The following EPB41L3 variants were observed in gnomAD, a reference collection of about 807,000 sequenced individuals.
The protein encoded by EPB41L3 is band 4.1-like protein 3.
In EPB41L3, 57 loss-of-function variants were observed where a neutral mutation model predicts 127.1. The ratio of observed to expected loss-of-function variants is 0.45; its 90% CI spans 0.36 to 0.56. The LOEUF is 0.56. Among genes scored for constraint, EPB41L3 ranks in the 20% least tolerant of loss-of-function variants. The pLI, the probability that EPB41L3 is intolerant of heterozygous loss-of-function variation, is 0.00. For missense variants in EPB41L3, 1,273 were observed against 1,372.2 expected (o/e 0.93, Z 1.14); for synonymous variants, 572 against 549.5 (o/e 1.04, Z -0.57).
In EPB41L3 at chr18:5,513,045, C is replaced by T. The variant is rs529102221; in HGVS notation, c.-11-23851G>A. ...TTGGGCATCTGGTGGATGGTATGTT[C>T]GATCCCTGTGGTTAGGGAATGCAGC... On this transcript the variant is annotated intron_variant, in intron 1 of 22. Coordinates refer to ENST00000341928, the MANE Select transcript of EPB41L3 (RefSeq NM_012307.5). Among the ~76,000 whole-genome samples the T allele has an allele frequency of 3.9e-5, 6 of 152,252 alleles. No individual in the cohort carries two copies. In the East Asian group the frequency reaches 7.7e-4, roughly 20 times the overall value.
At chr18:5,417,839 C>A (rs1338160849) in intron 12 of EPB41L3, among the ~76,000 whole-genome samples, 1 of 152,086 alleles carries the variant, frequency 6.6e-6, no homozygotes, top group Non-Finnish European at 1.5e-5. Flanking sequence ...TCTCATTCAA[C>A]TAAGAATAAT....
At chr18:5,427,121 G>A (rs1255457790) in intron 9 of EPB41L3, among the ~76,000 whole-genome samples, 1 of 151,850 alleles carries the variant, frequency 6.6e-6, no homozygotes, top group Non-Finnish European at 1.5e-5. Context: ...TCCCACCCTT[G>A]GCCTCCCAAA....
chr18:5,429,992 T>C (rs1435341506), intron 8 of EPB41L3, among the ~76,000 whole-genome samples: 6 of 152,208 alleles, frequency 3.9e-5, no homozygotes, highest in Non-Finnish European at 8.8e-5. Flanking sequence ...ACTCATTTTC[T>C]TTTTGGTAAC....
rs181606773 is a variant in EPB41L3, at chr18:5,543,151, G to C, written c.-12+762C>G. Among the ~76,000 whole-genome samples, 963 of 151,320 alleles carry C rather than the reference G, an allele frequency of 6.4e-3. 4 individuals are homozygous for C. Among genetic ancestry groups the C allele is most frequent in the South Asian group, 0.013 (63 of 4,826 alleles). The stretch of plus-strand genomic sequence containing the variant: ...GCTCCCGCGCCCGGGTGCCAGAGGC[G>C]AGGGGCCCCGGCAGGTGCCCAGGCC... On this transcript the variant is annotated intron_variant, in intron 1 of 22. Coordinates refer to ENST00000341928, the MANE Select transcript of EPB41L3 (RefSeq NM_012307.5). The surrounding 1 kb of genome is among the most constrained non-coding windows in gnomAD (Gnocchi z 5.2).
At chr18:5,433,369 C>A in intron 8 of EPB41L3, 100 bp downstream of exon 8, 1 of 799,322 alleles carries the variant, frequency 1.3e-6, no homozygotes, top group South Asian at 1.8e-5. Flanking sequence ...TCAGAGGTTT[C>A]ATTTACATTA....
intron 3 of EPB41L3, among the ~76,000 whole-genome samples, chr18:5,474,155 T>C (rs371424515): frequency 2.0e-5 from 3 of 150,728 alleles, no homozygotes; most frequent in African/African-American, 7.3e-5. Context: ...GGCGTGAACA[T>C]GGGAGGCGGA....
chr18:5,471,946 G>A (rs1599415096), intron 3 of EPB41L3, among the ~76,000 whole-genome samples: 2 of 152,128 alleles, frequency 1.3e-5, no homozygotes, highest in Middle Eastern at 3.4e-3. Context: ...ATCGACCATC[G>A]AACGCACGTA....
chr18:5,427,856 C>T (rs1034336934), intron 9 of EPB41L3, among the ~76,000 whole-genome samples: 1 of 152,138 alleles, frequency 6.6e-6, no homozygotes, highest in African/African-American at 2.4e-5. Context: ...CGCCATTCTC[C>T]TGCCTCAGCC....
At position 5,397,152 on chromosome 18, in the gene EPB41L3, T is replaced by C. The variant is rs2073672823; in HGVS notation, c.2747A>G (p.Gln916Arg). The C allele has an allele frequency of 1.2e-6, 2 of 1,614,124 alleles. No individual in the cohort carries two copies. Among genetic ancestry groups the C allele is most frequent in the African/African-American group, 2.7e-5 (2 of 74,946 alleles). The change falls in exon 18 of 23, where the codon CAG becomes CGG. Residue 916 changes from glutamine (Q) to arginine (R), a missense_variant. By Grantham distance (43) the Gln-to-Arg change is conservative (BLOSUM62 1). Transcript: ENST00000341928. The surrounding 1 kb of genome is among the most constrained non-coding windows in gnomAD (Gnocchi z 4.1). ...ACGGGAAGCAGCGGCTGTCTCTTCC[T>C]GTTCCAGGACAGCTTTAGCGACCTC... ...GEEVAKAVLE[Q>R]EETAAASRER...
intron 1 of EPB41L3, among the ~76,000 whole-genome samples, chr18:5,626,284 C>T (rs2094922635): frequency 6.6e-6 from 1 of 152,156 alleles, no homozygotes; most frequent in African/African-American, 2.4e-5. Context: ...CAAATAAAAA[C>T]CTCACATACT....
At chr18:5,483,049 A>G (rs1195136126) in intron 2 of EPB41L3, among the ~76,000 whole-genome samples, 2 of 152,174 alleles carry the variant, frequency 1.3e-5, no homozygotes, top group African/African-American at 2.4e-5. Context: ...TATGAAGCCC[A>G]AAAGACAACC....
chr18:5,435,242 A>T (rs2079591012), intron 6 of EPB41L3, among the ~76,000 whole-genome samples: 4 of 152,222 alleles, frequency 2.6e-5, no homozygotes, highest in African/African-American at 9.6e-5. Context: ...TATTGAAGAA[A>T]GAAATTTTTA....
chr18:5,422,834 C>T (rs572664029), intron 11 of EPB41L3, among the ~76,000 whole-genome samples: 1 of 152,312 alleles, frequency 6.6e-6, no homozygotes, highest in East Asian at 1.9e-4. Flanking sequence ...TCTCCCAGTC[C>T]ATCTGGGGTA....
intron 1 of EPB41L3, among the ~76,000 whole-genome samples, chr18:5,498,827 C>A (rs1175906110): frequency 6.6e-6 from 1 of 152,030 alleles, no homozygotes; most frequent in Admixed American, 6.5e-5. Flanking sequence ...TCTCCATTTT[C>A]TGTTAACCGT....
chr18:5,601,582 C>T (rs149207038), intron 3 of EPB41L3, among the ~76,000 whole-genome samples: 18 of 152,196 alleles, frequency 1.2e-4, no homozygotes, highest in East Asian at 7.7e-4. Flanking sequence ...AGCTGAATTA[C>T]GCAGCAGAGT....
Position 5,406,919 on chromosome 18 carries a change from C to T in EPB41L3, c.2207G>A (p.Ser736Asn), listed in dbSNP as rs576670651. ...DDLMKHQTNI[S>N]ELKRTFLETS... ...TTCTAAGAAGGTTCTTTTCAGCTCG[C>T]TAATGTTGGTTTGATGTTTCATCAG... The change falls in exon 16 of 23, where the codon AGC (serine) becomes AAC (asparagine). Residue 736 changes from serine to asparagine, a missense_variant. Transcript: ENST00000341928. The T allele has an allele frequency of 1.1e-5, 17 of 1,614,166 alleles. No individual in the cohort carries two copies. In the East Asian group the frequency reaches 3.6e-4, roughly 34 times the overall value.
At chr18:5,454,208 T>G (rs2082700383) in intron 3 of EPB41L3, among the ~76,000 whole-genome samples, 1 of 148,408 alleles carries the variant, frequency 6.7e-6, no homozygotes, top group African/African-American at 2.5e-5. Context: ...TTTGTTTCCT[T>G]GTTTTTTTTT....
At chr18:5,441,067 A>T (rs555692817) in intron 5 of EPB41L3, among the ~76,000 whole-genome samples, 26 of 152,242 alleles carry the variant, frequency 1.7e-4, no homozygotes, top group East Asian at 7.7e-4. Context: ...ACAATTTTTT[A>T]AAAAAATAGA....
At chr18:5,583,899 C>T (rs1231093652) in intron 3 of EPB41L3, among the ~76,000 whole-genome samples, 1 of 152,188 alleles carries the variant, frequency 6.6e-6, no homozygotes, top group Non-Finnish European at 1.5e-5. Context: ...ACCTCTGCCT[C>T]CCGGGTTCAT....
Sources: allele counts gnomAD v4.1 joint callset (sites outside exome capture counted in the v4.1 genomes callset), GRCh38; gene constraint gnomAD v4.1.1; non-coding constraint Gnocchi (gnomAD v3.1); transcripts MANE v1.5; gene names NCBI Gene and HGNC (gene_info 2026-07-23, HGNC 2026-07-21).